The following ZNF365 variants were observed in gnomAD, a reference collection of about 807,000 sequenced individuals.
ZNF365 encodes the protein zinc finger protein 365.
In ZNF365, 22 loss-of-function variants were observed where a neutral mutation model predicts 35.0. That is an observed-to-expected ratio of 0.63 (90% CI 0.45 to 0.90). The LOEUF (loss-of-function observed/expected upper bound fraction) is 0.90. Among genes scored for constraint, ZNF365 ranks in the 40% least tolerant of loss-of-function variants. ZNF365 has a pLI of 0.00. For missense variants in ZNF365, 448 were observed against 500.3 expected (o/e 0.90, Z 1.00); for synonymous variants, 188 against 196.2 (o/e 0.96, Z 0.35).
In ZNF365 at chr10:62,423,550, A is replaced by C. The variant is rs144677894; in HGVS notation, c.924+34974A>C. ...CCAGGAAGAAAAGTGTTAAATTTTT[A>C]CACTAACTCTAGGATGTGACATGTG... On this transcript the variant is annotated intron_variant, in intron 3 of 4. Coordinates refer to the ZNF365 transcript ENST00000395255. 5.5e-3 allele frequency among the ~76,000 whole-genome samples: 832 copies of C among 152,314 alleles called. 1 individual carries two copies. Among genetic ancestry groups the C allele is most frequent in the Non-Finnish European group, 7.7e-3 (527 of 68,022 alleles).
chr10:62,376,110 A>G, intron 1 of ZNF365, 71 bp from the exon 2 acceptor site: 1 of 1,478,972 alleles, frequency 6.8e-7, no homozygotes, highest in Non-Finnish European at 9.2e-7. Flanking sequence ...GCTGTCATGG[A>G]GATGAGCAGC....
chr10:62,428,425 A>G (rs944762751), intron 3 of ZNF365, among the ~76,000 whole-genome samples: 1 of 152,030 alleles, frequency 6.6e-6, no homozygotes, highest in Non-Finnish European at 1.5e-5. Context: ...ACAAGATCTG[A>G]TGGTTTTATA....
chr10:62,421,095 T>C (rs147297103), intron 3 of ZNF365, among the ~76,000 whole-genome samples: 1 of 152,148 alleles, frequency 6.6e-6, no homozygotes, highest in Admixed American at 6.5e-5. Flanking sequence ...TGGCAACCGA[T>C]AGTGGTAGCT....
chr10:62,442,871 G>A (rs912887865), intron 3 of ZNF365, among the ~76,000 whole-genome samples: 13 of 152,146 alleles, frequency 8.5e-5, no homozygotes, highest in Non-Finnish European at 1.8e-4. Flanking sequence ...CAGGAATGAG[G>A]ACGGACTTGC....
At chr10:62,408,320 G>A (rs1326169066) in intron 3 of ZNF365, among the ~76,000 whole-genome samples, 1 of 152,106 alleles carries the variant, frequency 6.6e-6, no homozygotes, top group Non-Finnish European at 1.5e-5. Flanking sequence ...ACTCAAAGCA[G>A]AAAATCATTA....
chr10:62,410,129 C>A (rs961108654), intron 3 of ZNF365, among the ~76,000 whole-genome samples: 8 of 152,122 alleles, frequency 5.3e-5, no homozygotes, highest in African/African-American at 1.9e-4. Context: ...TGTTTATTGT[C>A]TTTCCCTTCC....
chr10:62,456,237 TAA>T (rs916415796), intron 3 of ZNF365, among the ~76,000 whole-genome samples: 1 of 145,942 alleles, frequency 6.9e-6, no homozygotes. Flanking sequence ...CTCCATAAGA[TAA>T]AAAAAAAAAT....
intron 2 of ZNF365, 51 bp downstream of exon 2, chr10:62,376,987 C>A: frequency 6.4e-7 from 1 of 1,556,330 alleles, no homozygotes; most frequent in Admixed American, 1.9e-5. Flanking sequence ...AGCAGCACCC[C>A]AATCGCCTTA....
intron 3 of ZNF365, among the ~76,000 whole-genome samples, chr10:62,425,413 G>A (rs2132451270): frequency 6.6e-6 from 1 of 152,228 alleles, no homozygotes; most frequent in East Asian, 1.9e-4. Flanking sequence ...GCTAGGCAAG[G>A]GATGATTTCT....
At chr10:62,417,889 T>C (rs561640695) in intron 3 of ZNF365, among the ~76,000 whole-genome samples, 61 of 152,066 alleles carry the variant, frequency 4.0e-4, no homozygotes, top group African/African-American at 1.4e-3. Context: ...AATACACATG[T>C]ATTTACAAAA....
chr10:62,407,375 T>C (rs1289521241), downstream of ZNF365, among the ~76,000 whole-genome samples: 2 of 152,206 alleles, frequency 1.3e-5, no homozygotes, highest in Admixed American at 6.5e-5. Context: ...TCCTTTGAGA[T>C]ATTCCTTCAG....
At position 62,376,227 on chromosome 10, in the gene ZNF365, C is replaced by A. The variant is rs748818259; in HGVS notation, c.34C>A (p.Pro12Thr). ...GAAGGCTTTTGAGGAAAGCAGATAT[C>A]CCTGGCAGGAGTCCTTTGAGAATGT... Reference protein sequence around the residue: ...QQKAFEESRYPWQESFENVAV... With the variant: ...QQKAFEESRYTWQESFENVAV... Residue 12 changes from proline (P) to threonine (T), a missense_variant, in exon 2 of 5, where the codon CCC becomes ACC. Pro to Thr is a conservative substitution (Grantham distance 38). Coordinates refer to ENST00000395254, the MANE Select transcript of ZNF365 (RefSeq NM_014951.3). 1 of 1,614,006 alleles carries A rather than the reference C, an allele frequency of 6.2e-7. No homozygotes were observed. Among genetic ancestry groups the A allele is most frequent in the African/African-American group, 1.3e-5 (1 of 74,898 alleles).
intron 3 of ZNF365, among the ~76,000 whole-genome samples, chr10:62,415,810 G>C (rs1040787188): frequency 6.6e-6 from 1 of 152,144 alleles, no homozygotes; most frequent in Non-Finnish European, 1.5e-5. Context: ...GTCTGGGAAA[G>C]TCTTAAATTG....
At chr10:62,463,549 T>C (rs1304206474) in intron 4 of ZNF365, among the ~76,000 whole-genome samples, 1 of 152,252 alleles carries the variant, frequency 6.6e-6, no homozygotes, top group Non-Finnish European at 1.5e-5. Flanking sequence ...TGCAGATTTC[T>C]TGTGAGCAAT....
chr10:62,395,154 C>T (rs1839702007), intron 3 of ZNF365, among the ~76,000 whole-genome samples: 1 of 152,096 alleles, frequency 6.6e-6, no homozygotes, highest in African/African-American at 2.4e-5. Context: ...AGATATTATT[C>T]AAAACTTTCT....
Position 62,400,161 on chromosome 10 carries a change from A to G in ZNF365, c.*372A>G. 2.0e-6 allele frequency: 2 copies of G among 1,022,174 alleles called. No homozygotes were observed. Among genetic ancestry groups the G allele is most frequent in the Non-Finnish European group, 2.3e-6 (2 of 851,454 alleles). The allele number at this position is 1,022,174 out of a possible 1,614,324, so 63.3% of individuals were successfully genotyped here. Reference sequence around the variant, plus strand: ...AATGTCAGGCCTAGGGAGAAAATTCATCTGTGCCCACTGCTCTCCAAAGTG... The same window carrying G: ...AATGTCAGGCCTAGGGAGAAAATTCGTCTGTGCCCACTGCTCTCCAAAGTG... On this transcript the variant is annotated 3_prime_UTR_variant, in exon 5 of 5. Transcript: ENST00000395254.
rs779952980 is a variant in ZNF365 at position 62,399,774 on chromosome 10, T to C, written c.1209T>C (p.Ile403=). ...TGGCTAAAAAAAAGCCAACAGCCAT[T>C]GTGAACATCATCTAAAAGGGTGGGT... The part of the protein sequence containing the change: ...PKMAKKKPTA[I]VNII Residue 403 remains isoleucine, a synonymous_variant, in exon 5 of 5, where the codon ATT becomes ATC. Coordinates refer to ENST00000395254, the MANE Select transcript of ZNF365 (RefSeq NM_014951.3). 1.2e-6 allele frequency: 2 copies of C among 1,612,960 alleles called. No individual in the cohort carries two copies. Among genetic ancestry groups the C allele is most frequent in the African/African-American group, 2.7e-5 (2 of 74,960 alleles).
At chr10:62,457,734 G>A (rs183712831) in intron 3 of ZNF365, among the ~76,000 whole-genome samples, 2 of 152,260 alleles carry the variant, frequency 1.3e-5, no homozygotes, top group African/African-American at 4.8e-5. Context: ...TGAATGAAGG[G>A]CTAGGTAATT....
At chr10:62,410,816 G>A (rs535121706) in intron 3 of ZNF365, among the ~76,000 whole-genome samples, 1 of 152,160 alleles carries the variant, frequency 6.6e-6, no homozygotes, top group South Asian at 2.1e-4. Context: ...CATGTCAAAT[G>A]GTATTTCTGC....
Sources: gnomAD v4.1 joint callset for allele counts (sites outside exome capture counted in the v4.1 genomes callset) on GRCh38, gnomAD v4.1.1 for gene constraint, MANE v1.5 for transcripts, NCBI Gene and HGNC (gene_info 2026-07-23, HGNC 2026-07-21) for gene names.